The following BRD4 variants were observed in gnomAD, a reference collection of about 807,000 sequenced individuals.
BRD4 encodes the protein bromodomain-containing protein 4.
In BRD4, 16 loss-of-function variants were observed where a neutral mutation model predicts 142.1. That is an observed-to-expected ratio of 0.11 (90% CI 0.08 to 0.17). BRD4 has a LOEUF of 0.17. Ranked by LOEUF, BRD4 falls within the 10% of genes least tolerant of loss-of-function variation. BRD4 has a pLI of 1.00. For missense variants in BRD4, 1,424 were observed against 1,810.9 expected (o/e 0.79, Z 3.88); for synonymous variants, 833 against 707.5 (o/e 1.18, Z -2.82).
At chr19:15,247,262 C>T (rs913614601) in intron 11 of BRD4, 8 of 231,046 alleles carry the variant, frequency 3.5e-5, no homozygotes, top group African/African-American at 4.4e-5. Flanking sequence ...CTGCACTGAG[C>T]GGCCGCCTCC....
chr19:15,331,947 C>A (rs893594057), intron 1 of BRD4: 1 of 140,672 alleles, frequency 7.1e-6, no homozygotes, highest in Non-Finnish European at 1.6e-5. Flanking sequence ...GCCCGCCCCC[C>A]GCCCGCCCCC....
chr19:15,241,835 TAG>T (rs1321618053), intron 14 of BRD4, among the ~76,000 whole-genome samples: 4 of 139,072 alleles, frequency 2.9e-5, no homozygotes, highest in African/African-American at 1.1e-4. Flanking sequence ...TTTTTTGAGA[TAG>T]AGTCTCCATC....
chr19:15,302,474 G>C (rs2047877347), intron 1 of BRD4, among the ~76,000 whole-genome samples: 1 of 152,076 alleles, frequency 6.6e-6, no homozygotes, highest in Non-Finnish European at 1.5e-5. Flanking sequence ...ATCAAGGCCA[G>C]CCTGGCCAAC....
intron 11 of BRD4, chr19:15,248,174 T>C (rs1021811597): frequency 3.6e-5 from 8 of 219,772 alleles, no homozygotes; most frequent in African/African-American, 1.6e-4. Context: ...GCTGAGATGC[T>C]GGATTTGTGA....
At chr19:15,317,427 A>G (rs1175957232) in intron 1 of BRD4, among the ~76,000 whole-genome samples, 1 of 152,198 alleles carries the variant, frequency 6.6e-6, no homozygotes, top group Admixed American at 6.5e-5. Flanking sequence ...CACCACTTTA[A>G]AACAGGCATG....
At chr19:15,245,028 T>G in intron 11 of BRD4, 2 of 584,058 alleles carry the variant, frequency 3.4e-6, no homozygotes, top group Non-Finnish European at 5.9e-6. Context: ...ATCACCACGG[T>G]TGCACCGGAA....
Position 15,239,965 on chromosome 19 carries a change from A to T in BRD4, c.3227T>A (p.Phe1076Tyr), listed in dbSNP as rs1599430000. Residue 1076 changes from phenylalanine (F) to tyrosine (Y), a missense_variant, in exon 15 of 20, where the codon TTC (phenylalanine) becomes TAC (tyrosine). Around this residue, in one of 16 missense-constraint regions of BRD4, gnomAD observed 598 missense variants for 647.8 expected, o/e 0.92. Transcript: ENST00000679869. This position sits in a 1 kb window ranked among gnomAD's most constrained non-coding sequence, Gnocchi z 7.4. ...LMIHSPQMSQ[F>Y]QSLTHQSPPQ... The stretch of plus-strand genomic sequence containing the variant: ...TGGAGACTGGTGGGTCAGGCTCTGG[A>T]ACTGTGACATCTGGGGGGAATGTAT... The T allele has an allele frequency of 6.2e-7, 1 of 1,613,734 alleles. No homozygotes were observed. The highest frequency in any genetic ancestry group is 8.5e-7 in the Non-Finnish European group (1 of 1,179,934).
intron 1 of BRD4, among the ~76,000 whole-genome samples, chr19:15,323,418 T>C (rs1453540071): frequency 6.6e-6 from 1 of 152,118 alleles, no homozygotes; most frequent in Non-Finnish European, 1.5e-5. Flanking sequence ...TCCATGTAGT[T>C]TTTTTGTTTC....
At chr19:15,252,142 A>G (rs2047354440) in intron 11 of BRD4, among the ~76,000 whole-genome samples, 1 of 152,136 alleles carries the variant, frequency 6.6e-6, no homozygotes, top group Non-Finnish European at 1.5e-5. Context: ...GGAAACCAGG[A>G]GCATTCCCAC....
At chr19:15,242,360 G>A (rs1172296006) in intron 14 of BRD4, among the ~76,000 whole-genome samples, 1 of 152,194 alleles carries the variant, frequency 6.6e-6, no homozygotes, top group Non-Finnish European at 1.5e-5. Context: ...GGTGTGGCCT[G>A]ACCAATGCTG....
At chr19:15,256,366 G>A in intron 8 of BRD4, 103 bp from the exon 9 acceptor site, 1 of 1,414,568 alleles carries the variant, frequency 7.1e-7, no homozygotes, top group Non-Finnish European at 9.6e-7. Context: ...GCATGCACCT[G>A]GGGCATCAGG....
intron 6 of BRD4, 125 bp downstream of exon 6, chr19:15,264,279 G>A: frequency 7.3e-7 from 1 of 1,372,552 alleles, no homozygotes; most frequent in Non-Finnish European, 9.8e-7. Flanking sequence ...GAGTTGGCGG[G>A]AAAAATCCAC....
At chr19:15,253,109 C>A (rs1444289503) in intron 11 of BRD4, 2 of 259,576 alleles carry the variant, frequency 7.7e-6, no homozygotes, top group African/African-American at 2.2e-5. Flanking sequence ...TGGATCCCCA[C>A]TCCCCAGTCT....
Position 15,243,378 on chromosome 19 carries a change from T to G in BRD4, c.2691A>C (p.Thr897=), listed in dbSNP as rs1599433472. 2.0e-6 allele frequency: 3 copies of G among 1,506,656 alleles called. No individual in the cohort carries two copies. Among genetic ancestry groups the G allele is most frequent in the African/African-American group, 2.9e-5 (2 of 69,034 alleles). 93.3% of individuals were successfully genotyped at this position (1,506,656 alleles called of 1,614,324 possible). A position where few individuals can be genotyped will look rare whatever the true frequency, so the allele number is the denominator to read the frequency against. ...PPAVSPALTQ[T]PLLPQPPMAQ... is the part of the protein sequence containing the mutation. ...CCATGGGGGGCTGTGGGAGCAGGGGTGTTTGGGTCAAGGCTGGTGACACGG... is the reference window on the plus strand; with the variant it reads ...CCATGGGGGGCTGTGGGAGCAGGGGGGTTTGGGTCAAGGCTGGTGACACGG... Residue 897 remains threonine (T), a synonymous_variant, in exon 14 of 20, where the codon ACA becomes ACC. Transcript: ENST00000679869.
chr19:15,319,967 A>T (rs2048047773), intron 1 of BRD4, among the ~76,000 whole-genome samples: 1 of 152,226 alleles, frequency 6.6e-6, no homozygotes, highest in Non-Finnish European at 1.5e-5. Context: ...AGCCATCAAT[A>T]GCCCTTTAAC....
chr19:15,315,627 C>T (rs1005351433), intron 1 of BRD4, among the ~76,000 whole-genome samples: 1 of 151,786 alleles, frequency 6.6e-6, no homozygotes, highest in Non-Finnish European at 1.5e-5. Flanking sequence ...GGACCAGGCA[C>T]GTGAATCACT....
rs1414691546 is a variant in BRD4 at position 15,236,042 on chromosome 19, G to A, written c.*2335C>T. On this transcript the variant is annotated 3_prime_UTR_variant, in exon 20 of 20. Coordinates refer to ENST00000679869, the MANE Select transcript of BRD4 (RefSeq NM_001379291.1). Reference sequence around the variant, plus strand: ...CACAGTGGTATATGAGAAAGTGCCTGAGTGGGCATGGACATCGAAGAAGTG... The same window carrying A: ...CACAGTGGTATATGAGAAAGTGCCTAAGTGGGCATGGACATCGAAGAAGTG... 1 of 152,260 alleles carries A rather than the reference G, an allele frequency of 6.6e-6. No homozygotes were observed. The highest frequency in any genetic ancestry group is 1.5e-5 in the Non-Finnish European group (1 of 68,050). 9.4% of individuals were successfully genotyped at this position (152,260 alleles called of 1,614,324 possible).
intron 11 of BRD4, chr19:15,248,527 T>C (rs1460999784): frequency 4.5e-6 from 1 of 222,920 alleles, no homozygotes; most frequent in Non-Finnish European, 9.0e-6. Flanking sequence ...CAGGAGGTAC[T>C]TTCCCTATGT....
chr19:15,294,216 C>T (rs566528716), intron 1 of BRD4, among the ~76,000 whole-genome samples: 6 of 152,372 alleles, frequency 3.9e-5, no homozygotes, highest in Admixed American at 1.3e-4. Context: ...AAAACATAAA[C>T]GCCAAGGCGA....
Sources: gnomAD v4.1 joint callset for allele counts (sites outside exome capture counted in the v4.1 genomes callset) on GRCh38, gnomAD v4.1.1 for gene constraint, gnomAD v4.1.1 regional missense constraint, Gnocchi (gnomAD v3.1) non-coding constraint, MANE v1.5 for transcripts, NCBI Gene and HGNC (gene_info 2026-07-23, HGNC 2026-07-21) for gene names.